TUBGCP6: variants seen among roughly 807,000 people sequenced by gnomAD.
TUBGCP6 encodes gamma-tubulin complex component 6.
A neutral mutation model predicts 175.8 loss-of-function variants in TUBGCP6; 161 were observed. The observed-to-expected ratio is 0.92, with a 90% CI of 0.81 to 1.04. The LOEUF (loss-of-function observed/expected upper bound fraction) is 1.04. Among genes scored for constraint, TUBGCP6 ranks in the 50% least tolerant of loss-of-function variants. TUBGCP6 has a pLI of 0.00. For missense variants in TUBGCP6, 2,572 were observed against 2,433.0 expected (o/e 1.06, Z -1.20); for synonymous variants, 1,173 against 1,030.5 (o/e 1.14, Z -2.65).
chr22:50,222,453 C>T lies in TUBGCP6; in HGVS notation c.2409+1G>A, dbSNP rs1211517104. The T allele has an allele frequency of 6.2e-7, 1 of 1,613,568 alleles. No individual in the cohort carries two copies. The highest frequency in any genetic ancestry group is 8.5e-7 in the Non-Finnish European group (1 of 1,180,000). ...GCTGCCATCTGAAGCCGCAGACATACCTGAATGTGTTTCTCATCTTCTAAG... is the reference window on the plus strand; with the variant it reads ...GCTGCCATCTGAAGCCGCAGACATATCTGAATGTGTTTCTCATCTTCTAAG... On this transcript the variant is annotated splice_donor_variant, in intron 14 of 24. Coordinates refer to ENST00000248846, the MANE Select transcript of TUBGCP6 (RefSeq NM_020461.4). LOFTEE classifies it high-confidence loss of function.
In TUBGCP6 at chr22:50,244,940, C is replaced by G. The variant is rs996097905; in HGVS notation, c.-481G>C. ...GGTCCCGGGTTCTGGCCTGCACGTC[C>G]ACCCGTTCTCCAGGCCTCACCCGTG... On this transcript the variant is annotated 5_prime_UTR_variant, in exon 1 of 25. Transcript: ENST00000248846. 16 of 213,258 alleles carry G rather than the reference C, an allele frequency of 7.5e-5. No homozygotes were observed. Among genetic ancestry groups the G allele is most frequent in the Non-Finnish European group, 1.3e-4 (14 of 105,610 alleles). The allele number at this position is 213,258 out of a possible 1,614,324, so 13.2% of individuals were successfully genotyped here.
chr22:50,230,383 G>A (rs1315023842), intron 3 of TUBGCP6, among the ~76,000 whole-genome samples: 1 of 151,942 alleles, frequency 6.6e-6, no homozygotes, highest in East Asian at 1.9e-4. Context: ...AAGGCAGGTG[G>A]ATCACTTCAG....
At position 50,233,493 on chromosome 22, in the gene TUBGCP6, C is replaced by T. The variant is rs147905813; in HGVS notation, c.939G>A (p.Thr313=). 9 of 1,609,914 alleles carry T rather than the reference C, an allele frequency of 5.6e-6. No individual in the cohort carries two copies. The highest frequency in any genetic ancestry group is 4.5e-5 in the East Asian group (2 of 44,756). Residue 313 remains threonine, a synonymous_variant, in exon 3 of 25, where the codon ACG becomes ACA. Transcript: ENST00000248846. ...PPGHREEPYL[T]EAGRDAFDKF... ...TGTCGAAAGCGTCCCTTCCCGCCTC[C>T]GTCAGGTAAGGCTCCTCTCTGTGGC...
At position 50,219,831 on chromosome 22, in the gene TUBGCP6, C is replaced by T. The variant is rs187343849; in HGVS notation, c.4168-40G>A. Reference sequence around the variant, plus strand: ...GCCTCAGAACCACCTCCCCACTGCACGCTGTCCCCACAACCAGCTTGTGCC... The same window carrying T: ...GCCTCAGAACCACCTCCCCACTGCATGCTGTCCCCACAACCAGCTTGTGCC... On this transcript the variant is annotated intron_variant, in intron 17 of 24. Coordinates refer to ENST00000248846, the MANE Select transcript of TUBGCP6 (RefSeq NM_020461.4). The T allele has an allele frequency of 6.7e-5, 108 of 1,607,220 alleles. No homozygotes were observed. In the Admixed American group the frequency reaches 1.7e-3, roughly 25 times the overall value.
rs2064608322 is a variant in TUBGCP6 at position 50,226,331 on chromosome 22, C to A, written c.1649G>T (p.Gly550Val). The A allele has an allele frequency of 1.2e-6, 2 of 1,613,460 alleles. No individual in the cohort carries two copies. The highest frequency in any genetic ancestry group is 1.7e-6 in the Non-Finnish European group (2 of 1,179,864). The change falls in exon 8 of 25, where the codon GGC becomes GTC. Residue 550 changes from glycine (G) to valine (V), a missense_variant. By Grantham distance (109) the Gly-to-Val change is moderately radical. Coordinates refer to ENST00000248846, the MANE Select transcript of TUBGCP6 (RefSeq NM_020461.4). ...GTGGTTCACCTGAATCATGAACTCG[C>A]CATAAGCGTCTCTGAACACCCCGCT... ...VYSGVFRDAYGEFMIQVNHEY... is the reference protein window; with the variant it reads ...VYSGVFRDAYVEFMIQVNHEY...
At chr22:50,229,365 T>G (rs1421560711) in intron 4 of TUBGCP6, 39 bp downstream of exon 4, 3 of 1,602,088 alleles carry the variant, frequency 1.9e-6, no homozygotes, top group Non-Finnish European at 2.6e-6. Context: ...TGCACCGTTC[T>G]CACAAAGGTG....
At chr22:50,241,540 C>T (rs1359615665) in intron 1 of TUBGCP6, among the ~76,000 whole-genome samples, 1 of 152,240 alleles carries the variant, frequency 6.6e-6, no homozygotes, top group Non-Finnish European at 1.5e-5. Context: ...CTTCAGCAGT[C>T]ACACTCCTAG....
At chr22:50,240,960 G>A (rs2064831534) in intron 1 of TUBGCP6, among the ~76,000 whole-genome samples, 1 of 152,252 alleles carries the variant, frequency 6.6e-6, no homozygotes, top group Non-Finnish European at 1.5e-5. Flanking sequence ...CCACACTCCA[G>A]TCTGGGCGAC....
Position 50,222,575 on chromosome 22 carries a change from T to C in TUBGCP6, c.2288A>G (p.His763Arg), listed in dbSNP as rs1330882813. The change falls in exon 14 of 25, where the codon CAC becomes CGC. Residue 763 changes from histidine (H) to arginine (R), a missense_variant. By Grantham distance (29) the His-to-Arg change is conservative (BLOSUM62 0). Transcript: ENST00000248846. ...TGCCTCTGCAGAGAGCTTGCTGTAG[T>C]GGTCGACCAGTGCCTGCCTGAAGCC... is the stretch of plus-strand genomic sequence containing the variant. ...ERKARQALVD[H>R]YSKLSAEAAR... is the part of the protein sequence containing the mutation. 6.2e-7 allele frequency: 1 copy of C among 1,612,058 alleles called. No homozygotes were observed. Among genetic ancestry groups the C allele is most frequent in the East Asian group, 2.2e-5 (1 of 44,898 alleles).
At chr22:50,234,453 G>C (rs2064738939) in intron 2 of TUBGCP6, among the ~76,000 whole-genome samples, 1 of 107,344 alleles carries the variant, frequency 9.3e-6, no homozygotes, top group Non-Finnish European at 1.8e-5. Context: ...CCACATCCAG[G>C]TCCACAGCAG....
intron 14 of TUBGCP6, 60 bp downstream of exon 14, chr22:50,222,392 CAG>C (rs571899189): frequency 6.1e-5 from 97 of 1,601,534 alleles, no homozygotes; most frequent in East Asian, 3.8e-4. Context: ...TGTGCAGTCT[CAG>C]GGGGTTTCCA....
At position 50,225,832 on chromosome 22, in the gene TUBGCP6, T is replaced by C. The variant is rs765829908; in HGVS notation, c.1945A>G (p.Arg649Gly). 3 of 1,613,130 alleles carry C rather than the reference T, an allele frequency of 1.9e-6. No homozygotes were observed. Among genetic ancestry groups the C allele is most frequent in the Non-Finnish European group, 2.5e-6 (3 of 1,179,844 alleles). The change falls in exon 10 of 25, where the codon AGG becomes GGG. Residue 649 changes from arginine to glycine, a missense_variant. Arg to Gly is a moderately radical substitution (Grantham distance 125, BLOSUM62 -2). Coordinates refer to ENST00000248846, the MANE Select transcript of TUBGCP6 (RefSeq NM_020461.4). ...CTGACAGAGCTGTGGCGGGCCACCC[T>C]CTCCATGCGCCCAACGTAGACGGCA... is the stretch of plus-strand genomic sequence containing the variant. ...DCAVYVGRME[R>G]VARHSSVSKE... is the part of the protein sequence containing the mutation.
intron 2 of TUBGCP6, among the ~76,000 whole-genome samples, chr22:50,235,984 T>C (rs555379205): frequency 8.0e-4 from 121 of 150,404 alleles, no homozygotes; most frequent in African/African-American, 2.9e-3. Context: ...AGCTGTTTAA[T>C]GGGTTCAGAG....
rs1200075579 is a variant in TUBGCP6 at position 50,218,600 on chromosome 22, A to G, written c.4842T>C (p.Ile1614=). 9.9e-6 allele frequency: 16 copies of G among 1,613,458 alleles called. No individual in the cohort carries two copies. Among genetic ancestry groups the G allele is most frequent in the African/African-American group, 6.7e-5 (5 of 74,872 alleles). ...LRYKVDWPLN[I]VITEGCVSKY... ...TGCTCACGCAGCCCTCGGTGATGAC[A>G]ATGTTGAGAGGCCAGTCCACCTGCC... Residue 1614 remains isoleucine (I), a synonymous_variant, in exon 22 of 25, where the codon ATT becomes ATC. Transcript: ENST00000248846.
At chr22:50,231,865 A>AG (rs890070566) in intron 3 of TUBGCP6, among the ~76,000 whole-genome samples, 1 of 151,338 alleles carries the variant, frequency 6.6e-6, no homozygotes, top group Non-Finnish European at 1.5e-5. Flanking sequence ...GTCTCAAAAA[A>AG]AAAAAAAAAG....
rs2064544416 is a variant in TUBGCP6, at chr22:50,222,474, C to G, written c.2389G>C (p.Glu797Gln). The G allele has an allele frequency of 1.2e-6, 2 of 1,613,874 alleles. No individual in the cohort carries two copies. Among genetic ancestry groups the G allele is most frequent in the Non-Finnish European group, 8.5e-7 (1 of 1,180,024 alleles). The part of the protein sequence containing the change: ...LESARLRFLL[E>Q]DEKHIQEMLK... ...CATACCTGAATGTGTTTCTCATCTT[C>G]TAAGAGAAAACGAAGCCGTGCACTC... Residue 797 changes from glutamate (E) to glutamine (Q), a missense_variant, in exon 14 of 25, where the codon GAA (glutamate) becomes CAA (glutamine). Transcript: ENST00000248846.
In TUBGCP6 at chr22:50,228,033, G is replaced by A. The variant is rs1236917774; in HGVS notation, c.1291-5C>T. 7 of 1,539,446 alleles carry A rather than the reference G, an allele frequency of 4.5e-6. No individual in the cohort carries two copies. The highest frequency in any genetic ancestry group is 6.1e-6 in the Non-Finnish European group (7 of 1,140,286). On this transcript the variant is annotated splice_region_variant and splice_polypyrimidine_tract_variant and intron_variant, in intron 4 of 24. Transcript: ENST00000248846. ...CCTCAGGCCACTGGTGAAGGCCTGTGGGCAAAGAGGCTGGGAGGAGGGCGG... is the reference window on the plus strand; with the variant it reads ...CCTCAGGCCACTGGTGAAGGCCTGTAGGCAAAGAGGCTGGGAGGAGGGCGG...
At chr22:50,236,790 C>G (rs1317512793) in intron 2 of TUBGCP6, among the ~76,000 whole-genome samples, 1 of 152,208 alleles carries the variant, frequency 6.6e-6, no homozygotes, top group Non-Finnish European at 1.5e-5. Context: ...GAGCCTCTGT[C>G]TGCCCCCTGC....
chr22:50,233,607 G>A, intron 2 of TUBGCP6, 81 bp from the exon 3 acceptor site: 1 of 1,323,804 alleles, frequency 7.6e-7, no homozygotes, highest in Non-Finnish European at 1.1e-6. Flanking sequence ...CTCGGGAATG[G>A]GCATGAACAG....
Sources: gnomAD v4.1 joint callset for allele counts (sites outside exome capture counted in the v4.1 genomes callset) on GRCh38, gnomAD v4.1.1 for gene constraint, MANE v1.5 for transcripts, NCBI Gene and HGNC (gene_info 2026-07-23, HGNC 2026-07-21) for gene names.